Variants in MTMR2 observed in about 807,000 individuals in gnomAD.
MTMR2 encodes myotubularin related protein 2.
Under a neutral mutation model 86.9 loss-of-function variants are expected in MTMR2, and 55 were observed. That is an observed-to-expected ratio of 0.63 (90% confidence interval 0.51 to 0.79). MTMR2 has a LOEUF of 0.79. MTMR2 is among the 30% of genes least tolerant of loss of function. The pLI, the probability that MTMR2 is intolerant of heterozygous loss-of-function variation, is 0.00. For missense variants in MTMR2, 659 were observed against 772.3 expected (o/e 0.85, Z 1.74); for synonymous variants, 241 against 266.8 (o/e 0.90, Z 0.94).
chr11:95,882,790 T>C (rs1865378401), intron 2 of MTMR2, among the ~76,000 whole-genome samples: 1 of 150,332 alleles, frequency 6.7e-6, no homozygotes, highest in South Asian at 2.1e-4. Context: ...TGGCACGATC[T>C]TGGCTCACTG....
chr11:95,873,747 C>A (rs1268104076), intron 2 of MTMR2, among the ~76,000 whole-genome samples: 1 of 151,632 alleles, frequency 6.6e-6, no homozygotes, highest in African/African-American at 2.4e-5. Flanking sequence ...TATAAATTTC[C>A]CTCTACACAC....
At chr11:95,891,616 C>T (rs1443585524) in intron 1 of MTMR2, among the ~76,000 whole-genome samples, 1 of 152,068 alleles carries the variant, frequency 6.6e-6, no homozygotes, top group African/African-American at 2.4e-5. Flanking sequence ...GGTAAACAGC[C>T]TTTAATTATT....
chr11:95,910,706 G>A (rs923646868), intron 1 of MTMR2, among the ~76,000 whole-genome samples: 4 of 152,056 alleles, frequency 2.6e-5, no homozygotes, highest in Admixed American at 1.3e-4. Context: ...TGTAAGTAAT[G>A]TCCTGAGCAC....
intron 2 of MTMR2, among the ~76,000 whole-genome samples, chr11:95,869,052 C>T (rs1220895230): frequency 6.6e-6 from 1 of 151,672 alleles, no homozygotes; most frequent in Non-Finnish European, 1.5e-5. Flanking sequence ...TACTGCAAAA[C>T]CTTATGTTTC....
chr11:95,908,251 TA>T lies in MTMR2; in HGVS notation c.80+15623del, dbSNP rs917395860. On this transcript the variant is annotated intron_variant, in intron 1 of 14. Coordinates refer to ENST00000346299, the MANE Select transcript of MTMR2 (RefSeq NM_016156.6). ...AATGCGATCCCATTCACAATACCTA[TA>T]AAAAAAATACCTAGGAATACAGGTA... Among the ~76,000 whole-genome samples, 25 of 150,754 alleles carry T rather than the reference TA, an allele frequency of 1.7e-4. No individual in the cohort carries two copies. In the South Asian group the frequency reaches 2.7e-3, roughly 16 times the overall value.
chr11:95,863,172 A>G (rs780253715), intron 3 of MTMR2, among the ~76,000 whole-genome samples: 5 of 152,204 alleles, frequency 3.3e-5, no homozygotes, highest in Non-Finnish European at 7.3e-5. Flanking sequence ...GTATGTCATT[A>G]TTACACCAAA....
intron 7 of MTMR2, among the ~76,000 whole-genome samples, chr11:95,856,009 A>G (rs1864196122): frequency 6.6e-6 from 1 of 152,218 alleles, no homozygotes. Flanking sequence ...TGTGAGTTAC[A>G]TCTCAATTTA....
intron 5 of MTMR2, among the ~76,000 whole-genome samples, chr11:95,860,642 G>A (rs500054): frequency 0.28 from 42,136 of 152,144 alleles, 7,041 homozygotes; most frequent in Non-Finnish European, 0.38. Context: ...TAAAAAGAAA[G>A]GAACAATGTG....
intron 1 of MTMR2, among the ~76,000 whole-genome samples, chr11:95,891,373 C>T (rs1865706320): frequency 6.6e-6 from 1 of 151,812 alleles, no homozygotes; most frequent in African/African-American, 2.4e-5. Context: ...ATCATTTGAA[C>T]CTGGCAGGTA....
chr11:95,915,734 A>C (rs1169097133), intron 1 of MTMR2, among the ~76,000 whole-genome samples: 2 of 152,180 alleles, frequency 1.3e-5, no homozygotes, highest in East Asian at 3.9e-4. Context: ...GATAAAATAC[A>C]TGGATACATG....
intron 1 of MTMR2, among the ~76,000 whole-genome samples, chr11:95,898,528 A>AC (rs369450032): frequency 1.3e-5 from 2 of 151,910 alleles, no homozygotes; most frequent in East Asian, 3.9e-4. Context: ...ACACACACAC[A>AC]AAAAAACACA....
At chr11:95,881,366 G>A (rs957708145) in intron 2 of MTMR2, among the ~76,000 whole-genome samples, 1 of 151,930 alleles carries the variant, frequency 6.6e-6, no homozygotes, top group African/African-American at 2.4e-5. Flanking sequence ...ATAAATTTTA[G>A]AGTCAGCTAA....
chr11:95,902,624 T>G (rs1866114058), intron 1 of MTMR2, among the ~76,000 whole-genome samples: 1 of 152,198 alleles, frequency 6.6e-6, no homozygotes, highest in Admixed American at 6.5e-5. Flanking sequence ...TTTCTGAATT[T>G]TAAGGTTAGC....
intron 1 of MTMR2, among the ~76,000 whole-genome samples, chr11:95,923,401 G>C (rs1867004584): frequency 6.6e-6 from 1 of 152,078 alleles, no homozygotes; most frequent in South Asian, 2.1e-4. Context: ...AAGAAATTAA[G>C]AAGGTGAAGC....
intron 2 of MTMR2, among the ~76,000 whole-genome samples, chr11:95,878,922 T>C (rs867599877): frequency 6.6e-6 from 1 of 152,180 alleles, no homozygotes; most frequent in Admixed American, 6.6e-5. Flanking sequence ...TTTTAGAAGA[T>C]CATTATTCAT....
intron 14 of MTMR2, among the ~76,000 whole-genome samples, chr11:95,835,908 G>A (rs769733013): frequency 6.6e-5 from 10 of 151,966 alleles, no homozygotes; most frequent in Non-Finnish European, 1.2e-4. Context: ...TCCAGACAGA[G>A]GAGGGAAGAT....
chr11:95,855,145 T>C (rs1321252493), intron 7 of MTMR2, among the ~76,000 whole-genome samples: 1 of 151,996 alleles, frequency 6.6e-6, no homozygotes, highest in Non-Finnish European at 1.5e-5. Context: ...ACAAACTCCA[T>C]AGTCCTGTCT....
At position 95,876,263 on chromosome 11, in the gene MTMR2, G is replaced by A. The variant is rs188644658; in HGVS notation, c.187-10587C>T. Reference sequence around the variant, plus strand: ...TGGGCTCCACCCAGTTTGAGCTTCCGAACCTATCTTCTTAAAATGGTGGTT... The same window carrying A: ...TGGGCTCCACCCAGTTTGAGCTTCCAAACCTATCTTCTTAAAATGGTGGTT... On this transcript the variant is annotated intron_variant, in intron 2 of 14. Transcript: ENST00000346299. Among the ~76,000 whole-genome samples, 93 of 152,198 alleles carry A rather than the reference G, an allele frequency of 6.1e-4. 1 individual carries two copies. The highest frequency in any genetic ancestry group is 1.9e-3 in the East Asian group (10 of 5,170).
In MTMR2 at chr11:95,833,487, A is replaced by G. The variant is rs1453116796; in HGVS notation, c.*1803T>C. 1 of 152,122 alleles carries G rather than the reference A, an allele frequency of 6.6e-6. No individual in the cohort carries two copies. Among genetic ancestry groups the G allele is most frequent in the African/African-American group, 2.4e-5 (1 of 41,440 alleles). The allele number at this position is 152,122 out of a possible 1,614,324, so 9.4% of individuals were successfully genotyped here. On this transcript the variant is annotated 3_prime_UTR_variant, in exon 15 of 15. Coordinates refer to ENST00000346299, the MANE Select transcript of MTMR2 (RefSeq NM_016156.6). The stretch of plus-strand genomic sequence containing the variant: ...TGGTATATATTAAATGCCCAAGTGC[A>G]TGTACTCCATATTGGAGACTTCTGC...
Sources: gnomAD v4.1 joint callset for allele counts (sites outside exome capture counted in the v4.1 genomes callset) on GRCh38, gnomAD v4.1.1 for gene constraint, MANE v1.5 for transcripts, NCBI Gene and HGNC (gene_info 2026-07-23, HGNC 2026-07-21) for gene names.